FILIP1: variants seen among roughly 807,000 people sequenced by gnomAD.
FILIP1 encodes filamin-A-interacting protein 1.
A neutral mutation model predicts 102.1 loss-of-function variants in FILIP1; 61 were observed. That is an observed-to-expected ratio of 0.60 (90% CI 0.49 to 0.74). FILIP1 has a LOEUF of 0.74. Among genes scored for constraint, FILIP1 ranks in the 30% least tolerant of loss-of-function variants. The pLI is 0.00. For synonymous variants in FILIP1, 491 were observed against 526.9 expected, an observed-to-expected ratio of 0.93 and a Z score of 0.93; for missense variants, 1,314 against 1,441.2, an observed-to-expected ratio of 0.91 and a Z score of 1.43.
At chr6:75,351,638 C>T (rs1054454244) in intron 4 of FILIP1, among the ~76,000 whole-genome samples, 7 of 152,058 alleles carry the variant, frequency 4.6e-5, no homozygotes, top group Non-Finnish European at 8.8e-5. Flanking sequence ...ACATGCTGTA[C>T]AGTTTTGTAG....
intron 2 of FILIP1, among the ~76,000 whole-genome samples, chr6:75,366,246 C>T (rs1157754635): frequency 6.6e-6 from 1 of 152,122 alleles, no homozygotes; most frequent in African/African-American, 2.4e-5. Flanking sequence ...AAGTGTTTGT[C>T]CTTAGTTATG....
intron 2 of FILIP1, among the ~76,000 whole-genome samples, chr6:75,395,634 A>G (rs1168842062): frequency 2.0e-5 from 3 of 152,166 alleles, no homozygotes; most frequent in African/African-American, 7.2e-5. Flanking sequence ...TGTTTTGCCT[A>G]ATTTTTGAAC....
rs186053011 is a variant in FILIP1, at chr6:75,438,571, G to A, written c.-6-23593C>T. ...CAAATTCACTCTTGTAACCCCTGCA[G>A]CAATTAGCATAGGGCTTTCACATAA... On this transcript the variant is annotated intron_variant, in intron 1 of 5. Transcript: ENST00000237172. Among the ~76,000 whole-genome samples the A allele has an allele frequency of 6.6e-5, 10 of 152,188 alleles. No homozygotes were observed. In the East Asian group the frequency reaches 1.9e-3, roughly 29 times the overall value.
chr6:75,319,002 A>T, intron 4 of FILIP1: 1 of 650,812 alleles, frequency 1.5e-6, no homozygotes, highest in Admixed American at 2.3e-5. Flanking sequence ...CTTTATAGAC[A>T]TGAAAAAAAA....
At chr6:75,406,078 G>C (rs570647012) in intron 2 of FILIP1, among the ~76,000 whole-genome samples, 1 of 152,094 alleles carries the variant, frequency 6.6e-6, no homozygotes, top group Non-Finnish European at 1.5e-5. Context: ...ATGCCCTTTA[G>C]TCCTGTCTGA....
intron 1 of FILIP1, among the ~76,000 whole-genome samples, chr6:75,419,862 G>A (rs193137712): frequency 7.2e-5 from 11 of 152,206 alleles, no homozygotes; most frequent in Admixed American, 5.2e-4. Context: ...AGGTTATCAC[G>A]TATTCTATAG....
Position 75,312,580 on chromosome 6 carries a change from T to A in FILIP1, c.3252A>T (p.Glu1084Asp), listed in dbSNP as rs756716893. The change falls in exon 5 of 6, where the codon GAA (glutamate) becomes GAT (aspartate). Residue 1084 changes from glutamate (E) to aspartate (D), a missense_variant. By Grantham distance (45) the Glu-to-Asp change is conservative. Transcript: ENST00000237172. ...GGACAGTAATAACTGGACTGACTCC[T>A]TCACCTGAAGTCCCAGGGGACCGTT... The part of the protein sequence containing the change: ...QFKRSPGTSG[E>D]GVSPVITVRP... 5.0e-6 allele frequency: 8 copies of A among 1,614,124 alleles called. No homozygotes were observed. In the African/African-American group the frequency reaches 9.3e-5, roughly 19 times the overall value.
In FILIP1 at chr6:75,313,818, C is replaced by T. The variant is rs1263298097; in HGVS notation, c.2014G>A (p.Asp672Asn). Reference sequence around the variant, plus strand: ...TGTTGAGAGAGGAAGTTAGCCTTATCCTGCTCAGTTCTAAATTTCTGTTCC... The same window carrying T: ...TGTTGAGAGAGGAAGTTAGCCTTATTCTGCTCAGTTCTAAATTTCTGTTCC... ...QLEQKFRTEQ[D>N]KANFLSQQLE... The change falls in exon 5 of 6, where the codon GAT becomes AAT. Residue 672 changes from aspartate to asparagine, a missense_variant. Physicochemically the swap from Asp to Asn is conservative, Grantham distance 23. This residue lies in a region of FILIP1 where 816 missense variants were observed against 913.1 expected (regional missense o/e 0.89). Coordinates refer to ENST00000237172, the MANE Select transcript of FILIP1 (RefSeq NM_015687.5). The surrounding 1 kb of genome is among the most constrained non-coding windows in gnomAD (Gnocchi z 4.2). 2 of 1,613,670 alleles carry T rather than the reference C, an allele frequency of 1.2e-6. No individual in the cohort carries two copies. The highest frequency in any genetic ancestry group is 3.3e-5 in the Admixed American group (2 of 59,902).
At chr6:75,400,165 C>T (rs1776603044) in intron 2 of FILIP1, among the ~76,000 whole-genome samples, 1 of 152,134 alleles carries the variant, frequency 6.6e-6, no homozygotes, top group Admixed American at 6.6e-5. Context: ...TTTCCTGTTT[C>T]CTTGGAACAG....
intron 1 of FILIP1, among the ~76,000 whole-genome samples, chr6:75,457,281 T>A (rs1482960272): frequency 6.6e-6 from 1 of 152,192 alleles, no homozygotes; most frequent in Admixed American, 6.5e-5. Flanking sequence ...CACAAAGACA[T>A]GTACCTAAAG....
chr6:75,374,092 G>T (rs1294787516), intron 2 of FILIP1, among the ~76,000 whole-genome samples: 1 of 152,158 alleles, frequency 6.6e-6, no homozygotes, highest in African/African-American at 2.4e-5. Context: ...GTCATCCACG[G>T]ATTTGAATGC....
intron 1 of FILIP1, among the ~76,000 whole-genome samples, chr6:75,492,317 A>G (rs1482880092): frequency 1.3e-5 from 2 of 152,218 alleles, no homozygotes; most frequent in Non-Finnish European, 2.9e-5. Flanking sequence ...AATATGTTAA[A>G]AACTGGTTTT....
chr6:75,295,293 T>G (rs895441804), exon 7 of FILIP1: 1 of 152,178 alleles, frequency 6.6e-6, no homozygotes, highest in Non-Finnish European at 1.5e-5. Flanking sequence ...AAACTGATTT[T>G]TAGTATTTAA....
chr6:75,445,070 G>C (rs966463860), intron 1 of FILIP1, among the ~76,000 whole-genome samples: 2 of 152,050 alleles, frequency 1.3e-5, no homozygotes, highest in Admixed American at 1.3e-4. Context: ...AGTAGGCTAC[G>C]CATTCTGACT....
At chr6:75,326,945 C>T (rs1364058992) in intron 4 of FILIP1, among the ~76,000 whole-genome samples, 2 of 152,124 alleles carry the variant, frequency 1.3e-5, no homozygotes, top group Non-Finnish European at 2.9e-5. Flanking sequence ...GCAAGATGAC[C>T]CCAATTATTA....
intron 4 of FILIP1, among the ~76,000 whole-genome samples, chr6:75,346,589 T>C (rs1774593553): frequency 6.6e-6 from 1 of 152,214 alleles, no homozygotes; most frequent in African/African-American, 2.4e-5. Context: ...GTTACTATCC[T>C]ATGTCTTTTA....
At chr6:75,428,005 G>A (rs1159396474) in intron 1 of FILIP1, among the ~76,000 whole-genome samples, 1 of 145,292 alleles carries the variant, frequency 6.9e-6, no homozygotes, top group Non-Finnish European at 1.5e-5. Flanking sequence ...GAAGAGTGAG[G>A]AAGGTCTTTC....
At chr6:75,324,350 A>C (rs1488710508) in intron 4 of FILIP1, among the ~76,000 whole-genome samples, 1 of 151,306 alleles carries the variant, frequency 6.6e-6, no homozygotes, top group African/African-American at 2.4e-5. Context: ...CTAACCAAAA[A>C]AAAAAAAAAA....
chr6:75,457,143 T>C (rs2149743872), intron 1 of FILIP1, among the ~76,000 whole-genome samples: 1 of 152,304 alleles, frequency 6.6e-6, no homozygotes, highest in South Asian at 2.1e-4. Flanking sequence ...CATCCTTATG[T>C]TGAGTCTTCA....
Sources: gnomAD v4.1 joint callset for allele counts (sites outside exome capture counted in the v4.1 genomes callset) on GRCh38, gnomAD v4.1.1 for gene constraint, gnomAD v4.1.1 regional missense constraint, Gnocchi (gnomAD v3.1) non-coding constraint, MANE v1.5 for transcripts, NCBI Gene and HGNC (gene_info 2026-07-23, HGNC 2026-07-21) for gene names.